The following RIBC2 variants were observed in gnomAD, a reference collection of about 807,000 sequenced individuals.
The protein encoded by RIBC2 is RIB43A-like with coiled-coils protein 2.
In RIBC2, 40 loss-of-function variants were observed where a neutral mutation model predicts 44.3. That is an observed-to-expected ratio of 0.90 (90% CI 0.70 to 1.18). RIBC2 has a LOEUF of 1.18. Ranked by LOEUF, RIBC2 falls within the 50% of genes most tolerant of loss-of-function variation. The probability of loss-of-function intolerance (pLI) is 0.00; values close to 1 mark genes in which losing one functional copy is unlikely to be tolerated. For missense variants in RIBC2, 459 were observed against 485.5 expected, an observed-to-expected ratio of 0.95 and a Z score of 0.51; for synonymous variants, 171 against 175.0, an observed-to-expected ratio of 0.98 and a Z score of 0.18.
intron 5 of RIBC2, among the ~76,000 whole-genome samples, chr22:45,430,502 A>T (rs1260022415): frequency 2.0e-5 from 3 of 152,156 alleles, no homozygotes; most frequent in African/African-American, 7.2e-5. Context: ...GCTGTGGGGC[A>T]GCCGGCCATG....
At chr22:45,427,157 G>C (rs772656909) in intron 5 of RIBC2, among the ~76,000 whole-genome samples, 1 of 152,210 alleles carries the variant, frequency 6.6e-6, no homozygotes, top group African/African-American at 2.4e-5. Flanking sequence ...ACACATAACA[G>C]CATCTTAAAC....
intron 4 of RIBC2, among the ~76,000 whole-genome samples, chr22:45,425,718 C>T (rs544862798): frequency 6.6e-6 from 1 of 152,268 alleles, no homozygotes; most frequent in Non-Finnish European, 1.5e-5. Context: ...ATGCATACAC[C>T]CAACAGGTGG....
intron 5 of RIBC2, among the ~76,000 whole-genome samples, chr22:45,429,515 G>T (rs2146890455): frequency 6.6e-6 from 1 of 152,276 alleles, no homozygotes; most frequent in African/African-American, 2.4e-5. Flanking sequence ...AGGAGGGACA[G>T]TGGCGGTGGC....
rs1410968909 is a variant in RIBC2, at chr22:45,426,042, T to C, written c.770T>C (p.Leu257Pro). The part of the protein sequence containing the change: ...EITNLLRGDL[L>P]SENPQQAASS... ...ACCAACCTCCTGCGTGGGGACCTGC[T>C]CTCCGAGAACCCGCAGCAGGCAGCC... Residue 257 changes from leucine (L) to proline (P), a missense_variant, in exon 5 of 7, where the codon CTC becomes CCC. Physicochemically the swap from Leu to Pro is moderately conservative, Grantham distance 98. Transcript: ENST00000614167. 6.2e-7 allele frequency: 1 copy of C among 1,613,886 alleles called. No individual in the cohort carries two copies.
rs190804736 is a variant in RIBC2, at chr22:45,422,530, C to G, written c.675+122C>G. 6 of 742,382 alleles carry G rather than the reference C, an allele frequency of 8.1e-6. No homozygotes were observed. The East Asian group carries it at 1.5e-4, about 18-fold the overall frequency. 46.0% of individuals were successfully genotyped at this position (742,382 alleles called of 1,614,324 possible). ...TCAGCCTGCTCCCTGGTCACATGACCGGCCCTGACAGAGACCCTGATGGGC... is the reference window on the plus strand; with the variant it reads ...TCAGCCTGCTCCCTGGTCACATGACGGGCCCTGACAGAGACCCTGATGGGC... On this transcript the variant is annotated intron_variant, in intron 4 of 6. Transcript: ENST00000614167.
intron 4 of RIBC2, among the ~76,000 whole-genome samples, chr22:45,425,376 C>T (rs528361461): frequency 6.3e-4 from 96 of 152,286 alleles, no homozygotes; most frequent in Admixed American, 2.2e-3. Flanking sequence ...TAAGCCATCT[C>T]CTGACTTTAC....
chr22:45,429,045 A>G (rs2087556913), intron 5 of RIBC2, among the ~76,000 whole-genome samples: 1 of 152,216 alleles, frequency 6.6e-6, no homozygotes, highest in African/African-American at 2.4e-5. Context: ...TGGAGGTCAC[A>G]CTTTGCGGGG....
chr22:45,417,519 A>T (rs2087436267), intron 2 of RIBC2, 83 bp from the exon 3 acceptor site: 2 of 1,154,440 alleles, frequency 1.7e-6, no homozygotes, highest in African/African-American at 3.3e-5. Context: ...TCTCTAAAAA[A>T]GTAAATAATA....
chr22:45,418,172 C>G, intron 3 of RIBC2: 1 of 413,714 alleles, frequency 2.4e-6, no homozygotes, highest in Admixed American at 4.0e-5. Flanking sequence ...GAGGGAAACA[C>G]CTGCAATGAC....
chr22:45,414,796 T>C (rs1235978819), intron 2 of RIBC2, among the ~76,000 whole-genome samples: 1 of 152,096 alleles, frequency 6.6e-6, no homozygotes, highest in Non-Finnish European at 1.5e-5. Context: ...ATTTTAAGGG[T>C]ATATGTATGT....
Position 45,430,887 on chromosome 22 carries a change from CT to C in RIBC2, c.904-9del. The C allele has an allele frequency of 6.4e-7, 1 of 1,562,510 alleles. No individual in the cohort carries two copies. The highest frequency in any genetic ancestry group is 1.2e-5 in the South Asian group (1 of 83,802). On this transcript the variant is annotated splice_polypyrimidine_tract_variant and intron_variant, in intron 5 of 6. Coordinates refer to ENST00000614167, the MANE Select transcript of RIBC2 (RefSeq NM_015653.5). ...GGGGAAAGGTGGTGGTGAGCCGCCT[CT>C]TTTCCTTCCAGAGGCTCCAGGAAGA...
intron 5 of RIBC2, among the ~76,000 whole-genome samples, chr22:45,427,523 G>A (rs1012697211): frequency 3.3e-5 from 5 of 152,248 alleles, no homozygotes; most frequent in Non-Finnish European, 7.3e-5. Flanking sequence ...GAGACAAGTA[G>A]TATTTTCTGC....
chr22:45,425,833 T>C, intron 4 of RIBC2, 115 bp from the exon 5 acceptor site: 1 of 866,262 alleles, frequency 1.2e-6, no homozygotes, highest in South Asian at 1.6e-5. Context: ...ACCCGACTCC[T>C]GCTGCCCTTA....
rs202198762 is a variant in RIBC2, at chr22:45,432,322, C to T, written c.1109C>T (p.Thr370Met). 46 of 1,600,130 alleles carry T rather than the reference C, an allele frequency of 2.9e-5. No individual in the cohort carries two copies. The East Asian group carries it at 5.1e-4, about 18-fold the overall frequency. ...YMNEVYTNQP[T>M]GDYFTQFNTG... ...AATGAAGTCTATACAAATCAACCCA[C>T]GGGAGACTATTTCACACAATTTAAT... The change falls in exon 7 of 7, where the codon ACG (threonine) becomes ATG (methionine). Residue 370 changes from threonine to methionine, a missense_variant. Coordinates refer to ENST00000614167, the MANE Select transcript of RIBC2 (RefSeq NM_015653.5).
At chr22:45,419,725 C>T (rs1355536398) in intron 3 of RIBC2, among the ~76,000 whole-genome samples, 1 of 149,896 alleles carries the variant, frequency 6.7e-6, no homozygotes, top group East Asian at 2.0e-4. Context: ...AGAGTGAAAC[C>T]CTGTCTCAAA....
chr22:45,418,002 T>A, intron 3 of RIBC2, 56 bp downstream of exon 3: 2 of 879,886 alleles, frequency 2.3e-6, no homozygotes, highest in Non-Finnish European at 3.2e-6. Context: ...AAACCAACCC[T>A]ACAGTTTTTT....
chr22:45,431,844 A>T (rs2087583206), intron 6 of RIBC2, among the ~76,000 whole-genome samples: 2 of 152,186 alleles, frequency 1.3e-5, no homozygotes, highest in Non-Finnish European at 2.9e-5. Context: ...ATGGTGGCAC[A>T]CAGTTGAAAT....
In RIBC2 at chr22:45,426,236, T is replaced by C; in HGVS notation, c.903+61T>C. The C allele has an allele frequency of 2.8e-6, 4 of 1,422,962 alleles. No homozygotes were observed. The South Asian group carries it at 3.6e-5, about 13-fold the overall frequency. 88.1% of individuals were successfully genotyped at this position (1,422,962 alleles called of 1,614,324 possible). The stretch of plus-strand genomic sequence containing the variant: ...GCCAGGCTCTTTGCTCCCACTGCCT[T>C]CCAGGCACAAATGTAGTTGTAGCAG... On this transcript the variant is annotated intron_variant, in intron 5 of 6. Transcript: ENST00000614167.
At chr22:45,416,985 T>C (rs1361038810) in intron 2 of RIBC2, among the ~76,000 whole-genome samples, 3 of 146,400 alleles carry the variant, frequency 2.0e-5, no homozygotes, top group African/African-American at 7.6e-5. Context: ...CGTAGCAACC[T>C]CTGCCTCCTG....
Sources: allele counts gnomAD v4.1 joint callset (sites outside exome capture counted in the v4.1 genomes callset), GRCh38; gene constraint gnomAD v4.1.1; transcripts MANE v1.5; gene names NCBI Gene and HGNC (gene_info 2026-07-23, HGNC 2026-07-21).